Variants in PPP2R3A observed in about 807,000 individuals in gnomAD.
PPP2R3A encodes the protein serine/threonine-protein phosphatase 2A regulatory subunit B'' subunit alpha.
Under a neutral mutation model 106.9 loss-of-function variants are expected in PPP2R3A, and 80 were observed. The ratio of observed to expected loss-of-function variants is 0.75; its 90% CI spans 0.62 to 0.90. The LOEUF (loss-of-function observed/expected upper bound fraction) is 0.90, where lower values mean the gene tolerates loss of function less well. Ranked by LOEUF, PPP2R3A falls within the 40% of genes least tolerant of loss-of-function variation. The probability of loss-of-function intolerance (pLI) is 0.00; values close to 1 mark genes in which losing one functional copy is unlikely to be tolerated. For missense variants in PPP2R3A, 1,386 were observed against 1,350.4 expected (o/e 1.03, Z -0.41); for synonymous variants, 483 against 468.3 (o/e 1.03, Z -0.41).
At chr3:136,028,431 C>T (rs1025714444) in intron 3 of PPP2R3A, among the ~76,000 whole-genome samples, 3 of 152,200 alleles carry the variant, frequency 2.0e-5, no homozygotes, top group African/African-American at 7.2e-5. Flanking sequence ...GAAATAAGAG[C>T]TTATCTGTTT....
At position 136,136,068 on chromosome 3, in the gene PPP2R3A, A is replaced by AT. The variant is rs1453505016; in HGVS notation, c.3330-8975_3330-8974insT. 1.3e-3 allele frequency among the ~76,000 whole-genome samples: 41 copies of AT among 32,266 alleles called. No individual in the cohort carries two copies. In the East Asian group the frequency reaches 0.035, roughly 28 times the overall value. The allele number at this position is 32,266 out of a possible 152,430, so 21.2% of individuals were successfully genotyped here. ...CTCAAAAAAAAAAAAAAAAAAAAAAAAAAAATTATATATATATATATATAT... is the reference window on the plus strand; with the variant it reads ...CTCAAAAAAAAAAAAAAAAAAAAAAATAAAAATTATATATATATATATATAT... On this transcript the variant is annotated intron_variant, in intron 13 of 13. Coordinates refer to ENST00000264977, the MANE Select transcript of PPP2R3A (RefSeq NM_002718.5).
intron 8 of PPP2R3A, among the ~76,000 whole-genome samples, chr3:136,087,243 G>GTCTCTCTCTCTCTCTCTC (rs1491461536): frequency 2.7e-5 from 2 of 75,060 alleles, no homozygotes; most frequent in Non-Finnish European, 5.8e-5. Flanking sequence ...GTCTCTAGTC[G>GTCTCTCTCTCTCTCTCTC]TGTCTCTCTC....
At chr3:136,052,132 G>T (rs576471273) in intron 5 of PPP2R3A, among the ~76,000 whole-genome samples, 6 of 152,264 alleles carry the variant, frequency 3.9e-5, no homozygotes, top group Non-Finnish European at 2.9e-5. Context: ...TATTTGAACT[G>T]CATTGTAATA....
At chr3:136,128,265 A>T (rs2108012124) in intron 13 of PPP2R3A, among the ~76,000 whole-genome samples, 1 of 151,984 alleles carries the variant, frequency 6.6e-6, no homozygotes, top group Middle Eastern at 3.4e-3. Context: ...TATTCAGGAG[A>T]CCCATCTCAT....
intron 1 of PPP2R3A, among the ~76,000 whole-genome samples, chr3:135,988,214 CAATT>C (rs1334577785): frequency 6.7e-6 from 1 of 149,748 alleles, no homozygotes. Flanking sequence ...TTTCCAGTCT[CAATT>C]AATGTGAGTT....
chr3:136,036,845 C>T (rs1390868284), intron 3 of PPP2R3A, among the ~76,000 whole-genome samples: 2 of 152,206 alleles, frequency 1.3e-5, no homozygotes, highest in African/African-American at 4.8e-5. Context: ...TTTAATTTAG[C>T]TTTTACTTGG....
intron 5 of PPP2R3A, among the ~76,000 whole-genome samples, chr3:136,060,610 A>G (rs994820679): frequency 5.3e-5 from 8 of 152,104 alleles, no homozygotes; most frequent in Non-Finnish European, 1.0e-4. Context: ...GCCTTTCGCC[A>G]TGATTGTAAG....
chr3:136,142,044 T>C (rs1447656017), intron 13 of PPP2R3A, among the ~76,000 whole-genome samples: 1 of 152,166 alleles, frequency 6.6e-6, no homozygotes, highest in Non-Finnish European at 1.5e-5. Flanking sequence ...CAGCTGGATA[T>C]ATGGAGTTCT....
At position 136,087,923 on chromosome 3, in the gene PPP2R3A, AGT is replaced by A; in HGVS notation, c.2830_2831del (p.Val944AsnfsTer24). The A allele has an allele frequency of 1.2e-6, 2 of 1,609,024 alleles. No individual in the cohort carries two copies. Among genetic ancestry groups the A allele is most frequent in the Non-Finnish European group, 1.7e-6 (2 of 1,176,064 alleles). The part of the protein sequence containing the change: ...RIIERIFSGA[V>X]TRGKTIQKEG... Reference sequence around the variant, plus strand: ...TTATTGAAAGGATATTCTCTGGTGCAGTAACAAGGTAAGAAAACGTTTAATGC... The same window carrying A: ...TTATTGAAAGGATATTCTCTGGTGCAAACAAGGTAAGAAAACGTTTAATGC... On this transcript the variant is annotated frameshift_variant, in exon 9 of 14. Coordinates refer to ENST00000264977, the MANE Select transcript of PPP2R3A (RefSeq NM_002718.5). LOFTEE classifies it high-confidence loss of function.
intron 3 of PPP2R3A, among the ~76,000 whole-genome samples, chr3:136,030,233 C>CA (rs1559877687): frequency 7.0e-6 from 1 of 142,514 alleles, no homozygotes; most frequent in African/African-American, 2.5e-5. Context: ...AAAGTTGGGG[C>CA]GGGGGGGATG....
chr3:136,142,125 TG>T (rs955016351), intron 13 of PPP2R3A, among the ~76,000 whole-genome samples: 14 of 152,150 alleles, frequency 9.2e-5, no homozygotes, highest in African/African-American at 3.4e-4. Flanking sequence ...AGTAAAGCCA[TG>T]GGAAAGACTA....
intron 10 of PPP2R3A, among the ~76,000 whole-genome samples, chr3:136,099,594 C>A (rs1331066720): frequency 2.0e-5 from 3 of 151,720 alleles, no homozygotes; most frequent in African/African-American, 7.3e-5. Flanking sequence ...AGCTGTGTAA[C>A]CCTCCCAGAA....
At chr3:136,045,789 A>G (rs1221407492) in intron 4 of PPP2R3A, among the ~76,000 whole-genome samples, 1 of 152,136 alleles carries the variant, frequency 6.6e-6, no homozygotes, top group Non-Finnish European at 1.5e-5. Context: ...AGCCCTTACT[A>G]TTAAATGCCA....
chr3:136,129,934 T>C (rs928864504), intron 13 of PPP2R3A, among the ~76,000 whole-genome samples: 20 of 152,236 alleles, frequency 1.3e-4, no homozygotes, highest in Non-Finnish European at 1.5e-5. Flanking sequence ...TCTCAATAGA[T>C]GCAGAAAAGG....
At chr3:136,011,351 C>T (rs983442891) in intron 2 of PPP2R3A, among the ~76,000 whole-genome samples, 4 of 152,140 alleles carry the variant, frequency 2.6e-5, no homozygotes, top group South Asian at 2.1e-4. Flanking sequence ...ACATTCACTG[C>T]TATATCCCTG....
Position 136,118,657 on chromosome 3 carries a change from ATCCAGCT to A in PPP2R3A, c.3329+12337_3329+12343del, listed in dbSNP as rs1937873321. Among the ~76,000 whole-genome samples, 2 of 152,226 alleles carry A rather than the reference ATCCAGCT, an allele frequency of 1.3e-5. 1 individual carries two copies. Among genetic ancestry groups the A allele is most frequent in the South Asian group, 4.1e-4 (2 of 4,834 alleles). ...TTCAAAGAGAATAAAATTCCTGGGA[ATCCAGCT>A]TACAAGGGATGTGAAGGACCTCTTC... On this transcript the variant is annotated intron_variant, in intron 13 of 13. Transcript: ENST00000264977.
chr3:136,083,548 C>T (rs1183953195), intron 8 of PPP2R3A, among the ~76,000 whole-genome samples: 2 of 152,152 alleles, frequency 1.3e-5, no homozygotes, highest in South Asian at 2.1e-4. Flanking sequence ...TCTTTACTAG[C>T]AGCATGAGAA....
chr3:136,124,164 T>C (rs77362515), intron 13 of PPP2R3A, among the ~76,000 whole-genome samples: 12,522 of 152,200 alleles, frequency 0.082, 658 homozygotes, highest in African/African-American at 0.15. Context: ...AATTCAAAAT[T>C]ATCTTTAAAT....
chr3:135,974,051 C>T (rs1276824881), intron 1 of PPP2R3A, among the ~76,000 whole-genome samples: 5 of 152,222 alleles, frequency 3.3e-5, no homozygotes, highest in Non-Finnish European at 2.9e-5. Context: ...CTTCCTCTTA[C>T]TTGACCTTTC....
Sources: gnomAD v4.1 joint callset for allele counts (sites outside exome capture counted in the v4.1 genomes callset) on GRCh38, gnomAD v4.1.1 for gene constraint, MANE v1.5 for transcripts, NCBI Gene and HGNC (gene_info 2026-07-23, HGNC 2026-07-21) for gene names.